The following SRFBP1 variants were observed in gnomAD, a reference collection of about 807,000 sequenced individuals.
The protein encoded by SRFBP1 is serum response factor-binding protein 1.
Under a neutral mutation model 45.5 loss-of-function variants are expected in SRFBP1, and 47 were observed. The observed-to-expected ratio is 1.03, with a 90% CI of 0.82 to 1.32. SRFBP1 has a LOEUF of 1.32. Among genes scored for constraint, SRFBP1 ranks in the 40% most tolerant of loss-of-function variants. The pLI, the probability that SRFBP1 is intolerant of heterozygous loss-of-function variation, is 0.00. For synonymous variants in SRFBP1, 203 were observed against 166.3 expected, an observed-to-expected ratio of 1.22 and a Z score of -1.70; for missense variants, 621 against 484.6, an observed-to-expected ratio of 1.28 and a Z score of -2.64.
intron 2 of SRFBP1, among the ~76,000 whole-genome samples, chr5:122,068,016 T>C (rs1293566858): frequency 1.3e-5 from 2 of 151,996 alleles, no homozygotes; most frequent in Non-Finnish European, 2.9e-5. Context: ...TCTCAAATAT[T>C]CTATACTTTC....
chr5:122,019,720 A>T (rs1356256394), intron 5 of SRFBP1, among the ~76,000 whole-genome samples: 1 of 151,546 alleles, frequency 6.6e-6, no homozygotes, highest in African/African-American at 2.4e-5. Flanking sequence ...TTTTTGTCAC[A>T]TGATACTGAA....
chr5:122,056,231 C>G (rs1023149245), intron 2 of SRFBP1, among the ~76,000 whole-genome samples: 2 of 152,104 alleles, frequency 1.3e-5, no homozygotes, highest in African/African-American at 4.8e-5. Flanking sequence ...ACTTGTCTGG[C>G]AATTTGGGGC....
At chr5:121,996,814 A>G (rs1414605322) in intron 4 of SRFBP1, among the ~76,000 whole-genome samples, 4 of 138,344 alleles carry the variant, frequency 2.9e-5, no homozygotes, top group African/African-American at 1.2e-4. Context: ...ACTTCAGCAA[A>G]GTCTCAGGAT....
At chr5:122,049,324 A>G (rs1753925177) in intron 2 of SRFBP1, among the ~76,000 whole-genome samples, 1 of 152,174 alleles carries the variant, frequency 6.6e-6, no homozygotes, top group Non-Finnish European at 1.5e-5. Context: ...AAGAAGAGCT[A>G]AGTATCCTAA....
chr5:121,981,401 C>T (rs929163416), intron 3 of SRFBP1, among the ~76,000 whole-genome samples: 1 of 151,934 alleles, frequency 6.6e-6, no homozygotes, highest in East Asian at 1.9e-4. Flanking sequence ...TGCCTCTGGT[C>T]TCGCCTTCAA....
At chr5:121,981,211 C>T (rs1388521991) in intron 3 of SRFBP1, among the ~76,000 whole-genome samples, 3 of 151,374 alleles carry the variant, frequency 2.0e-5, no homozygotes, top group Non-Finnish European at 2.9e-5. Flanking sequence ...ACTAAAATTT[C>T]GATTTTAGGA....
chr5:121,983,445 A>T (rs142520220), intron 3 of SRFBP1, among the ~76,000 whole-genome samples: 1 of 151,778 alleles, frequency 6.6e-6, no homozygotes, highest in Non-Finnish European at 1.5e-5. Flanking sequence ...AAAAAATGTG[A>T]TCATGTTTAA....
At chr5:121,999,434 A>G (rs1419668438) in intron 4 of SRFBP1, among the ~76,000 whole-genome samples, 1 of 152,068 alleles carries the variant, frequency 6.6e-6, no homozygotes, top group Non-Finnish European at 1.5e-5. Flanking sequence ...GACAACATAT[A>G]TTCTTTTGGG....
downstream of SRFBP1, among the ~76,000 whole-genome samples, chr5:122,030,252 A>C (rs1462168871): frequency 3.9e-5 from 6 of 152,240 alleles, no homozygotes; most frequent in Non-Finnish European, 8.8e-5. Context: ...TCCAAGAAGT[A>C]TTTACTAAAG....
chr5:121,978,218 T>C (rs2112822159), intron 3 of SRFBP1, among the ~76,000 whole-genome samples: 1 of 152,310 alleles, frequency 6.6e-6, no homozygotes, highest in African/African-American at 2.4e-5. Flanking sequence ...ATCATTTTTA[T>C]CCCTGTCTTA....
intron 1 of SRFBP1, among the ~76,000 whole-genome samples, chr5:121,962,973 A>G (rs1461996081): frequency 2.6e-5 from 4 of 152,238 alleles, no homozygotes; most frequent in East Asian, 1.9e-4. Flanking sequence ...TTACAGAACA[A>G]TGTGTGAAGA....
chr5:122,019,953 C>A lies in SRFBP1; in HGVS notation c.353-135C>A, dbSNP rs1011300719. 8.3e-6 allele frequency: 4 copies of A among 484,358 alleles called. No individual in the cohort carries two copies. In the South Asian group the frequency reaches 1.8e-4, roughly 21 times the overall value. 30.0% of individuals were successfully genotyped at this position (484,358 alleles called of 1,614,324 possible). On this transcript the variant is annotated intron_variant, in intron 5 of 7. Coordinates refer to ENST00000339397, the MANE Select transcript of SRFBP1 (RefSeq NM_152546.3). ...GAAAGATTTCTTTGTGAATTCAGAC[C>A]GAGTATATGTATTTAATATCAATTC...
chr5:122,021,984 G>A (rs373504268), intron 6 of SRFBP1, among the ~76,000 whole-genome samples: 2 of 151,806 alleles, frequency 1.3e-5, no homozygotes, highest in African/African-American at 4.8e-5. Context: ...GTGACCCACC[G>A]TGCCCCGCCA....
intron 2 of SRFBP1, among the ~76,000 whole-genome samples, chr5:122,061,477 G>A (rs1404643608): frequency 3.3e-5 from 5 of 152,094 alleles, no homozygotes; most frequent in African/African-American, 1.2e-4. Context: ...GTAGCAAATT[G>A]TAAATATATG....
rs1753468312 is a variant in SRFBP1, at chr5:122,025,810, C to A, written c.1106-1132C>A. Among the ~76,000 whole-genome samples the A allele has an allele frequency of 2.0e-5, 3 of 152,116 alleles. 1 individual carries two copies. The highest frequency in any genetic ancestry group is 2.0e-4 in the Admixed American group (3 of 15,274). On this transcript the variant is annotated intron_variant, in intron 7 of 7. Transcript: ENST00000339397. ...TTTTCTTAAAGAGGTCTTTAAAAGGCTTCTGACAGGCCGAGCACGGTGGCT... is the reference window on the plus strand; with the variant it reads ...TTTTCTTAAAGAGGTCTTTAAAAGGATTCTGACAGGCCGAGCACGGTGGCT...
intron 2 of SRFBP1, among the ~76,000 whole-genome samples, chr5:122,038,450 C>A (rs1753724801): frequency 6.6e-6 from 1 of 152,256 alleles, no homozygotes; most frequent in East Asian, 1.9e-4. Context: ...GGAAAAAAGA[C>A]TGGAAAATGA....
chr5:122,048,108 A>T (rs1443664248), intron 2 of SRFBP1, among the ~76,000 whole-genome samples: 1 of 152,184 alleles, frequency 6.6e-6, no homozygotes, highest in Admixed American at 6.6e-5. Flanking sequence ...GAGAGAGGGC[A>T]TCCCTGTCTT....
At chr5:121,965,909 G>C (rs1442916652) in intron 1 of SRFBP1, among the ~76,000 whole-genome samples, 2 of 152,134 alleles carry the variant, frequency 1.3e-5, no homozygotes, top group African/African-American at 2.4e-5. Context: ...TCACATCCCT[G>C]TAAGTTGTAT....
At chr5:122,012,902 A>C (rs1363525489) in intron 4 of SRFBP1, among the ~76,000 whole-genome samples, 1 of 152,118 alleles carries the variant, frequency 6.6e-6, no homozygotes, top group Non-Finnish European at 1.5e-5. Context: ...CACCCTCTGC[A>C]AAGATTCTTG....
Sources: gnomAD v4.1 joint callset for allele counts (sites outside exome capture counted in the v4.1 genomes callset) on GRCh38, gnomAD v4.1.1 for gene constraint, MANE v1.5 for transcripts, NCBI Gene and HGNC (gene_info 2026-07-23, HGNC 2026-07-21) for gene names.